TOGARAM1: variants seen among roughly 807,000 people sequenced by gnomAD.
TOGARAM1 encodes TOG array regulator of axonemal microtubules 1.
TOGARAM1 carries 100 observed loss-of-function variants against 166.6 expected under a neutral mutation model. The observed-to-expected ratio is 0.60, with a 90% CI of 0.51 to 0.71. The LOEUF (loss-of-function observed/expected upper bound fraction) is 0.71, where lower values mean the gene tolerates loss of function less well. Ranked by LOEUF, TOGARAM1 falls within the 30% of genes least tolerant of loss-of-function variation. The probability of loss-of-function intolerance (pLI) is 0.00; values close to 1 mark genes in which losing one functional copy is unlikely to be tolerated. For missense variants in TOGARAM1, 2,029 were observed against 2,102.7 expected, an observed-to-expected ratio of 0.96 and a Z score of 0.69; for synonymous variants, 758 against 763.8, an observed-to-expected ratio of 0.99 and a Z score of 0.13.
chr14:45,022,792 T>C (rs1244749069), intron 7 of TOGARAM1: 1 of 152,058 alleles, frequency 6.6e-6, no homozygotes, highest in Non-Finnish European at 1.5e-5. Flanking sequence ...TGCTTGGTGA[T>C]TCCCTTCTAT....
Position 45,004,346 on chromosome 14 carries a change from A to G in TOGARAM1, c.2624A>G (p.Asp875Gly), listed in dbSNP as rs139041622. 121 of 1,613,466 alleles carry G rather than the reference A, an allele frequency of 7.5e-5. No homozygotes were observed. The highest frequency in any genetic ancestry group is 1.7e-5 in the Non-Finnish European group (20 of 1,179,836). Residue 875 changes from aspartate (D) to glycine (G), a missense_variant, in exon 4 of 20, where the codon GAT (aspartate) becomes GGT (glycine). Coordinates refer to ENST00000361462, the MANE Select transcript of TOGARAM1 (RefSeq NM_001308120.2). ...AAGCTTGTCAGCCAAAAATCGTCTG[A>G]TCCTACGGGTAGAAATCATGGTAAA... ...QKKLVSQKSS[D>G]PTGRNHGENS...
chr14:45,065,829 A>G (rs762469312), intron 16 of TOGARAM1, among the ~76,000 whole-genome samples: 14 of 152,194 alleles, frequency 9.2e-5, no homozygotes, highest in Non-Finnish European at 2.1e-4. Context: ...GAGTTTTTTG[A>G]AAGAGGTTCA....
chr14:45,046,363 G>A (rs1882067322), intron 13 of TOGARAM1, among the ~76,000 whole-genome samples, 182 bp from the exon 14 acceptor site: 1 of 152,174 alleles, frequency 6.6e-6, no homozygotes, highest in Non-Finnish European at 1.5e-5. Flanking sequence ...TTGAACCCAG[G>A]AGGTCAAAGC....
At chr14:45,035,458 A>G (rs970531898) in intron 11 of TOGARAM1, among the ~76,000 whole-genome samples, 2 of 152,180 alleles carry the variant, frequency 1.3e-5, no homozygotes, top group Admixed American at 1.3e-4. Flanking sequence ...AGTTATGTGT[A>G]ATTGGAGTTA....
At position 45,045,577 on chromosome 14, in the gene TOGARAM1, ATATATATGTGTG is replaced by A. The variant is rs1328507809; in HGVS notation, c.4154+709_4154+720del. On this transcript the variant is annotated intron_variant, in intron 13 of 19. Coordinates refer to ENST00000361462, the MANE Select transcript of TOGARAM1 (RefSeq NM_001308120.2). ...TATATATATATATATATATATATAT[ATATATATGTGTG>A]TGTGTGTGTGTGTGTGTGTGTGTGT... Among the ~76,000 whole-genome samples the A allele has an allele frequency of 4.7e-3, 177 of 37,488 alleles. 1 individual carries two copies. Among genetic ancestry groups the A allele is most frequent in the African/African-American group, 0.018 (111 of 6,238 alleles). 24.6% of individuals were successfully genotyped at this position (37,488 alleles called of 152,430 possible).
intron 16 of TOGARAM1, among the ~76,000 whole-genome samples, chr14:45,055,665 A>G (rs1480279835): frequency 6.6e-6 from 1 of 151,962 alleles, no homozygotes; most frequent in African/African-American, 2.4e-5. Flanking sequence ...TTAGCCGGGC[A>G]TGGTGGAGGG....
At chr14:44,968,696 A>C (rs1042837154) in intron 1 of TOGARAM1, among the ~76,000 whole-genome samples, 1 of 152,236 alleles carries the variant, frequency 6.6e-6, no homozygotes, top group African/African-American at 2.4e-5. Flanking sequence ...CAGTGAACCC[A>C]TATTAACATA....
chr14:45,054,608 T>C (rs572934752), intron 16 of TOGARAM1, 59 bp downstream of exon 16: 5 of 1,239,280 alleles, frequency 4.0e-6, no homozygotes, highest in East Asian at 5.0e-5. Context: ...GTAGTCTCAT[T>C]TGGATGTTTT....
intron 2 of TOGARAM1, 87 bp from the exon 3 acceptor site, chr14:44,999,276 A>T (rs1244476975): frequency 1.5e-6 from 2 of 1,366,804 alleles, no homozygotes; most frequent in Non-Finnish European, 2.0e-6. Flanking sequence ...TTCCACCTAA[A>T]TTACACCAAC....
At chr14:45,069,467 A>G (rs562574322) in intron 18 of TOGARAM1, among the ~76,000 whole-genome samples, 1,815 of 152,296 alleles carry the variant, frequency 0.012, 29 homozygotes, top group African/African-American at 0.04. Context: ...ACTCATACCT[A>G]GAATATGTAA....
intron 1 of TOGARAM1, among the ~76,000 whole-genome samples, chr14:44,990,842 G>A (rs1360341224): frequency 2.0e-5 from 3 of 151,586 alleles, no homozygotes; most frequent in African/African-American, 4.9e-5. Context: ...TTTGAGATGG[G>A]GTCTTACTGT....
At chr14:44,981,179 C>T (rs1886511265) in intron 1 of TOGARAM1, among the ~76,000 whole-genome samples, 1 of 152,082 alleles carries the variant, frequency 6.6e-6, no homozygotes, top group Non-Finnish European at 1.5e-5. Flanking sequence ...GAATATTCTA[C>T]TTGAATTAGA....
rs1880803868 is a variant in TOGARAM1 at position 45,025,801 on chromosome 14, A to G, written c.3257A>G (p.Gln1086Arg). 6.2e-7 allele frequency: 1 copy of G among 1,607,564 alleles called. No homozygotes were observed. The highest frequency in any genetic ancestry group is 8.5e-7 in the Non-Finnish European group (1 of 1,174,862). The change falls in exon 8 of 20, where the codon CAG becomes CGG. Residue 1086 changes from glutamine (Q) to arginine (R), a missense_variant. Physicochemically the swap from Gln to Arg is conservative, Grantham distance 43. Coordinates refer to ENST00000361462, the MANE Select transcript of TOGARAM1 (RefSeq NM_001308120.2). The part of the protein sequence containing the change: ...SPSAGSSSNP[Q>R]QISSFDFTTT... ...TTTACAGGGTCATCATCAAATCCAC[A>G]GCAAATTTCCAGTTTTGACTTCACA...
chr14:45,071,356 A>T, intron 18 of TOGARAM1, among the ~76,000 whole-genome samples: 1 of 138,378 alleles, frequency 7.2e-6, no homozygotes, highest in African/African-American at 2.7e-5. Context: ...TTTAGTTCTC[A>T]TTTGCTTTAA....
intron 1 of TOGARAM1, among the ~76,000 whole-genome samples, chr14:44,985,314 T>C (rs144128675): frequency 3.3e-5 from 5 of 152,162 alleles, no homozygotes; most frequent in Admixed American, 2.0e-4. Context: ...TGCCTGGCTT[T>C]CAGATCCTTT....
intron 1 of TOGARAM1, among the ~76,000 whole-genome samples, chr14:44,982,699 C>T (rs958362596): frequency 3.3e-5 from 5 of 152,144 alleles, no homozygotes; most frequent in Admixed American, 2.0e-4. Context: ...AGTTATTCAG[C>T]ATCTGTCTTT....
At chr14:45,040,663 G>A (rs951970521) in intron 11 of TOGARAM1, among the ~76,000 whole-genome samples, 15 of 151,682 alleles carry the variant, frequency 9.9e-5, no homozygotes, top group African/African-American at 2.9e-4. Context: ...TAAACAGCAT[G>A]ATGCCCCAAA....
intron 1 of TOGARAM1, among the ~76,000 whole-genome samples, chr14:44,981,643 G>C (rs1594618422): frequency 6.6e-6 from 1 of 152,098 alleles, no homozygotes; most frequent in East Asian, 1.9e-4. Context: ...AGTTATACAT[G>C]CTCATTATAG....
At chr14:44,989,577 T>C (rs1398273806) in intron 1 of TOGARAM1, among the ~76,000 whole-genome samples, 1 of 151,980 alleles carries the variant, frequency 6.6e-6, no homozygotes, top group East Asian at 1.9e-4. Context: ...ATTAGTCCAT[T>C]CTCATACTAC....
Sources: allele counts gnomAD v4.1 joint callset (sites outside exome capture counted in the v4.1 genomes callset), GRCh38; gene constraint gnomAD v4.1.1; transcripts MANE v1.5; gene names NCBI Gene and HGNC (gene_info 2026-07-23, HGNC 2026-07-21).